The following RSPH14 variants were observed in gnomAD, a reference collection of about 807,000 sequenced individuals.
RSPH14 encodes the protein radial spoke head 14 homolog.
Under a neutral mutation model 26.7 loss-of-function variants are expected in RSPH14, and 20 were observed. That is an observed-to-expected ratio of 0.75 (90% CI 0.53 to 1.09). The LOEUF (loss-of-function observed/expected upper bound fraction) is 1.09, where lower values mean the gene tolerates loss of function less well. Among genes scored for constraint, RSPH14 ranks in the 50% least tolerant of loss-of-function variants. The probability of loss-of-function intolerance (pLI) is 0.00; values close to 1 mark genes in which losing one functional copy is unlikely to be tolerated. For missense variants in RSPH14, 449 were observed against 457.2 expected (o/e 0.98, Z 0.16); for synonymous variants, 177 against 189.3 (o/e 0.93, Z 0.53).
intron 1 of RSPH14, 139 bp from the exon 2 acceptor site, chr22:23,140,611 A>G: frequency 9.4e-7 from 1 of 1,060,060 alleles, no homozygotes; most frequent in South Asian, 1.7e-5. Flanking sequence ...GCTGAGAGCA[A>G]TGAAGAGATT....
the RSPH14 span, chr22:23,158,847 T>C: frequency 6.7e-7 from 1 of 1,502,148 alleles, no homozygotes; most frequent in Non-Finnish European, 9.3e-7. Flanking sequence ...CTGCCCCCTG[T>C]TTGGGGTGGG....
At chr22:23,147,164 A>G (rs1376997414), upstream of RSPH14, among the ~76,000 whole-genome samples, 1 of 152,122 alleles carries the variant, frequency 6.6e-6, no homozygotes, top group Non-Finnish European at 1.5e-5. Flanking sequence ...TCCTCTTGCC[A>G]TTCCGCCTCT....
intron 4 of RSPH14, among the ~76,000 whole-genome samples, chr22:23,128,133 T>A (rs1258610744): frequency 6.6e-6 from 1 of 152,094 alleles, no homozygotes; most frequent in African/African-American, 2.4e-5. Flanking sequence ...AGTGGGATGG[T>A]AGAGGGATAC....
At chr22:23,085,327 A>G (rs1292309902) in intron 4 of RSPH14, among the ~76,000 whole-genome samples, 2 of 152,160 alleles carry the variant, frequency 1.3e-5, no homozygotes, top group African/African-American at 4.8e-5. Context: ...GCTCCTTGAC[A>G]CACAGACTCA....
At chr22:23,160,892 G>C in the RSPH14 span, 30 of 1,613,624 alleles carry the variant, frequency 1.9e-5, no homozygotes, top group Non-Finnish European at 2.2e-5. Context: ...AGAACGTGAA[G>C]GCATTCTTCA....
intron 4 of RSPH14, among the ~76,000 whole-genome samples, chr22:23,111,771 C>T (rs952514915): frequency 2.0e-5 from 3 of 152,214 alleles, no homozygotes; most frequent in African/African-American, 7.2e-5. Context: ...GGCAAGCGGC[C>T]AGGCTCCACA....
At chr22:23,173,146 T>G in the RSPH14 span, among the ~76,000 whole-genome samples, 1 of 152,058 alleles carries the variant, frequency 6.6e-6, no homozygotes, top group Non-Finnish European at 1.5e-5. Flanking sequence ...TTTTCTTTTT[T>G]TTCTTTGAGA....
At chr22:23,067,565 G>A (rs926352906) in intron 4 of RSPH14, among the ~76,000 whole-genome samples, 1 of 152,208 alleles carries the variant, frequency 6.6e-6, no homozygotes, top group Non-Finnish European at 1.5e-5. Flanking sequence ...TTGCTCCAAG[G>A]GGTGCTTCTC....
intron 4 of RSPH14, among the ~76,000 whole-genome samples, chr22:23,100,613 G>C (rs1269829058): frequency 6.6e-6 from 1 of 152,226 alleles, no homozygotes; most frequent in Non-Finnish European, 1.5e-5. Context: ...CCCCACTCCA[G>C]GGCAGGTCAG....
upstream of RSPH14, among the ~76,000 whole-genome samples, chr22:23,144,126 A>T (rs550075092): frequency 2.0e-5 from 3 of 149,936 alleles, no homozygotes; most frequent in Admixed American, 2.0e-4. Flanking sequence ...AAAAACAGCT[A>T]AAGGAGGAGT....
the RSPH14 span, chr22:23,155,885 C>T: frequency 7.6e-7 from 1 of 1,311,330 alleles, no homozygotes; most frequent in South Asian, 1.4e-5. Context: ...GTCTCCCACC[C>T]ATGGTCCCGT....
At chr22:23,101,390 C>A (rs2069300290) in intron 4 of RSPH14, among the ~76,000 whole-genome samples, 1 of 152,318 alleles carries the variant, frequency 6.6e-6, no homozygotes, top group Non-Finnish European at 1.5e-5. Flanking sequence ...CTGGGTTCCA[C>A]CCTTGGAGCT....
chr22:23,092,713 A>G (rs1203344056), intron 4 of RSPH14, among the ~76,000 whole-genome samples: 3 of 152,178 alleles, frequency 2.0e-5, no homozygotes, highest in Admixed American at 2.0e-4. Context: ...AGTGTCCCCA[A>G]CCTGCTCTCC....
chr22:23,169,959 T>A, the RSPH14 span, among the ~76,000 whole-genome samples: 1 of 151,856 alleles, frequency 6.6e-6, no homozygotes, highest in African/African-American at 2.4e-5. Context: ...TAGCTGGGCA[T>A]GGTGGTGTGT....
At chr22:23,113,757 G>A (rs905197773) in intron 4 of RSPH14, among the ~76,000 whole-genome samples, 1 of 152,244 alleles carries the variant, frequency 6.6e-6, no homozygotes, top group Non-Finnish European at 1.5e-5. Flanking sequence ...GGGAATGCCT[G>A]TGTCCCAGAC....
chr22:23,158,823 C>A, the RSPH14 span: 1 of 1,371,108 alleles, frequency 7.3e-7, no homozygotes, highest in Non-Finnish European at 1.0e-6. Flanking sequence ...CTGGGGAGGT[C>A]CCAAGTGTGC....
chr22:23,148,217 G>A (rs1198405571), upstream of RSPH14, among the ~76,000 whole-genome samples: 1 of 152,144 alleles, frequency 6.6e-6, no homozygotes, highest in Non-Finnish European at 1.5e-5. Context: ...GAAAGGCTTT[G>A]TGTCTCAGAC....
chr22:23,158,956 G>C, the RSPH14 span: 1 of 1,614,200 alleles, frequency 6.2e-7, no homozygotes, highest in South Asian at 1.1e-5. Flanking sequence ...CATCTTCCTC[G>C]TGGGAACCAA....
the RSPH14 span, chr22:23,163,412 G>A: frequency 6.6e-6 from 1 of 151,574 alleles, no homozygotes; most frequent in Non-Finnish European, 1.5e-5. Flanking sequence ...TATATTTTTA[G>A]TAGAGAGAGG....
Sources: gnomAD v4.1 joint callset for allele counts (sites outside exome capture counted in the v4.1 genomes callset) on GRCh38, gnomAD v4.1.1 for gene constraint, MANE v1.5 for transcripts, NCBI Gene and HGNC (gene_info 2026-07-23, HGNC 2026-07-21) for gene names.